Variants in UNC80 observed in about 807,000 individuals in gnomAD.
UNC80 encodes the protein protein unc-80 homolog.
A neutral mutation model predicts 384.6 loss-of-function variants in UNC80; 164 were observed. The ratio of observed to expected loss-of-function variants is 0.43; its 90% CI spans 0.38 to 0.49. The LOEUF (loss-of-function observed/expected upper bound fraction) is 0.49, where lower values mean the gene tolerates loss of function less well. Among genes scored for constraint, UNC80 ranks in the 20% least tolerant of loss-of-function variants. UNC80 has a pLI of 0.00. For missense variants in UNC80, 3,330 were observed against 4,143.0 expected, an observed-to-expected ratio of 0.80 and a Z score of 5.39; for synonymous variants, 1,486 against 1,527.8, an observed-to-expected ratio of 0.97 and a Z score of 0.64.
intron 35 of UNC80, among the ~76,000 whole-genome samples, chr2:209,924,661 C>G (rs1559338494): frequency 6.6e-6 from 1 of 152,052 alleles, no homozygotes. Context: ...GATTTGCAAG[C>G]CCCCTAGAAA....
Position 209,972,330 on chromosome 2 carries a change from A to T in UNC80, c.8380+6A>T. The stretch of plus-strand genomic sequence containing the variant: ...AGTAGGATCTGGAAGCAAAGGTCTG[A>T]TTAATTTAACTAAAGGAAATTTATC... On this transcript the variant is annotated splice_donor_region_variant and intron_variant, in intron 55 of 64. Transcript: ENST00000673920. 6.5e-7 allele frequency: 1 copy of T among 1,549,424 alleles called. No homozygotes were observed. The highest frequency in any genetic ancestry group is 8.7e-7 in the Non-Finnish European group (1 of 1,146,176).
chr2:209,808,767 T>G, intron 7 of UNC80: 3 of 59,208 alleles, frequency 5.1e-5, no homozygotes, highest in Admixed American at 3.6e-4. Flanking sequence ...CCTGCGCTAC[T>G]TCTGCGCTAC....
chr2:209,823,158 G>T (rs2080261345), intron 13 of UNC80, among the ~76,000 whole-genome samples: 2 of 152,150 alleles, frequency 1.3e-5, no homozygotes, highest in East Asian at 1.9e-4. Flanking sequence ...GCCACAACTT[G>T]TACTGAGAGC....
intron 13 of UNC80, among the ~76,000 whole-genome samples, chr2:209,824,229 A>T (rs1193894043): frequency 6.6e-6 from 1 of 152,108 alleles, no homozygotes; most frequent in East Asian, 1.9e-4. Flanking sequence ...GATAAGTTTG[A>T]GTCTTCTGTT....
chr2:209,774,799 A>G (rs1325763376), intron 2 of UNC80, among the ~76,000 whole-genome samples: 2 of 152,134 alleles, frequency 1.3e-5, no homozygotes, highest in East Asian at 3.9e-4. Context: ...ATCTCTCATT[A>G]TGCTCTTTAC....
intron 61 of UNC80, among the ~76,000 whole-genome samples, chr2:209,986,028 G>T (rs985181638): frequency 1.3e-5 from 2 of 152,110 alleles, no homozygotes; most frequent in Admixed American, 6.5e-5. Flanking sequence ...TCTCTTATTG[G>T]TGGTAAATGT....
rs1445632143 is a variant in UNC80 at position 209,995,599 on chromosome 2, T to A, written c.*4T>A. Reference sequence around the variant, plus strand: ...ATTAGATGAGTCTCATGTTTAATTCTGTATCTTGTAAGCTCTGCAGGTATA... The same window carrying A: ...ATTAGATGAGTCTCATGTTTAATTCAGTATCTTGTAAGCTCTGCAGGTATA... On this transcript the variant is annotated 3_prime_UTR_variant, in exon 65 of 65. Coordinates refer to ENST00000673920, the MANE Select transcript of UNC80 (RefSeq NM_001371986.1). 4 of 1,551,656 alleles carry A rather than the reference T, an allele frequency of 2.6e-6. No homozygotes were observed. Among genetic ancestry groups the A allele is most frequent in the Non-Finnish European group, 3.5e-6 (4 of 1,146,910 alleles).
Position 209,880,951 on chromosome 2 carries a change from C to G in UNC80, c.3977-10C>G, listed in dbSNP as rs1342831674. On this transcript the variant is annotated splice_polypyrimidine_tract_variant and intron_variant, in intron 24 of 64. Coordinates refer to ENST00000673920, the MANE Select transcript of UNC80 (RefSeq NM_001371986.1). ...TTGTCTCCTTATGAAAGAACACTTT[C>G]ATTTCCTAGGTACTGTGAACCCCTC... 3.9e-6 allele frequency: 6 copies of G among 1,551,042 alleles called. No individual in the cohort carries two copies. Among genetic ancestry groups the G allele is most frequent in the Non-Finnish European group, 5.2e-6 (6 of 1,146,578 alleles).
chr2:209,904,503 A>G (rs867670776), intron 28 of UNC80, among the ~76,000 whole-genome samples: 9 of 152,240 alleles, frequency 5.9e-5, no homozygotes, highest in Middle Eastern at 3.2e-3. Context: ...ACACTCCACA[A>G]TAATTGTTTT....
At chr2:209,806,472 A>G (rs970886488) in intron 7 of UNC80, among the ~76,000 whole-genome samples, 7 of 152,234 alleles carry the variant, frequency 4.6e-5, no homozygotes, top group African/African-American at 1.4e-4. Context: ...GTACACCCAC[A>G]TGTGTTAATT....
intron 60 of UNC80, 144 bp downstream of exon 60, chr2:209,982,461 C>A: frequency 9.4e-7 from 1 of 1,067,290 alleles, no homozygotes; most frequent in Non-Finnish European, 1.2e-6. Flanking sequence ...AAGGATTTGT[C>A]AACTAGGTTC....
rs2124953927 is a variant in UNC80 at position 209,922,252 on chromosome 2, TAGA to T, written c.5537_5539del (p.Glu1846del). 3.9e-6 allele frequency: 6 copies of T among 1,552,166 alleles called. No individual in the cohort carries two copies. The highest frequency in any genetic ancestry group is 4.9e-5 in the East Asian group (2 of 40,926). On this transcript the variant is annotated inframe_deletion and splice_region_variant, in exon 35 of 65. Coordinates refer to ENST00000673920, the MANE Select transcript of UNC80 (RefSeq NM_001371986.1). The stretch of plus-strand genomic sequence containing the variant: ...TCACATTCCCCATTTTGTTTGCCAG[TAGA>T]AGAAGTCACCAATCTGGCATCCCGT...
chr2:209,988,064 T>C (rs1041993697), intron 61 of UNC80, among the ~76,000 whole-genome samples: 1 of 152,152 alleles, frequency 6.6e-6, no homozygotes, highest in African/African-American at 2.4e-5. Context: ...AAGATATAGT[T>C]TCTCAGATGT....
chr2:209,990,603 A>G (rs2093374071), intron 61 of UNC80, among the ~76,000 whole-genome samples: 1 of 152,188 alleles, frequency 6.6e-6, no homozygotes, highest in Admixed American at 6.5e-5. Flanking sequence ...TACTCTTTCC[A>G]ATTTAACAGA....
At chr2:209,849,922 A>G (rs1236351674) in intron 22 of UNC80, among the ~76,000 whole-genome samples, 1 of 152,038 alleles carries the variant, frequency 6.6e-6, no homozygotes, top group Non-Finnish European at 1.5e-5. Flanking sequence ...TAACAATACT[A>G]TAGCTTCCTC....
chr2:209,792,326 C>T (rs1027177946), intron 6 of UNC80, among the ~76,000 whole-genome samples: 1 of 152,100 alleles, frequency 6.6e-6, no homozygotes, highest in African/African-American at 2.4e-5. Flanking sequence ...AAGTAAACAT[C>T]TTAATACTTT....
chr2:209,783,485 A>C (rs1378180811), intron 4 of UNC80, among the ~76,000 whole-genome samples: 2 of 152,144 alleles, frequency 1.3e-5, no homozygotes, highest in Admixed American at 1.3e-4. Flanking sequence ...GGAGAAGGTA[A>C]AACATGTTCA....
At chr2:209,874,199 A>G (rs1319996691) in intron 23 of UNC80, among the ~76,000 whole-genome samples, 1 of 152,150 alleles carries the variant, frequency 6.6e-6, no homozygotes, top group Non-Finnish European at 1.5e-5. Context: ...TTCGGTTTTA[A>G]CCTTATGAAG....
chr2:209,944,393 A>G (rs1329361077), intron 45 of UNC80, among the ~76,000 whole-genome samples: 1 of 152,130 alleles, frequency 6.6e-6, no homozygotes, highest in Non-Finnish European at 1.5e-5. Flanking sequence ...ACGACACTCA[A>G]CCAGCAGAAT....
Sources: gnomAD v4.1 joint callset for allele counts (sites outside exome capture counted in the v4.1 genomes callset) on GRCh38, gnomAD v4.1.1 for gene constraint, MANE v1.5 for transcripts, NCBI Gene and HGNC (gene_info 2026-07-23, HGNC 2026-07-21) for gene names.